Variants in LRRC9 observed in about 807,000 individuals in gnomAD.
LRRC9 encodes the protein leucine rich repeat containing 9.
Under a neutral mutation model 63.2 loss-of-function variants are expected in LRRC9, and 122 were observed. The observed-to-expected ratio is 1.93, with a 90% confidence interval of 1.67 to 2.24. LRRC9 has a LOEUF of 2.24. Among genes scored for constraint, LRRC9 ranks in the 30% most tolerant of loss-of-function variants. The probability of loss-of-function intolerance (pLI) is 0.00; values close to 1 mark genes in which losing one functional copy is unlikely to be tolerated. For missense variants in LRRC9, 1,071 were observed against 627.7 expected, an observed-to-expected ratio of 1.71 and a Z score of -7.55; for synonymous variants, 366 against 213.1, an observed-to-expected ratio of 1.72 and a Z score of -6.25.
At chr14:59,997,869 A>G (rs1888963731) in intron 18 of LRRC9, 22 bp downstream of exon 18, 13 of 645,024 alleles carry the variant, frequency 2.0e-5, no homozygotes, top group Non-Finnish European at 3.7e-5. Flanking sequence ...ACATGTTACT[A>G]AAAAGCAAAC....
Position 59,938,868 on chromosome 14 carries a change from CAT to C in LRRC9, c.726+306_726+307del, listed in dbSNP as rs1275974487. Among the ~76,000 whole-genome samples, 1 of 147,306 alleles carries C rather than the reference CAT, an allele frequency of 6.8e-6. No homozygotes were observed. Among genetic ancestry groups the C allele is most frequent in the East Asian group, 2.0e-4 (1 of 5,042 alleles). ...ATCAGTGTTAAAAATAGACTAGTGC[CAT>C]ATATATATACACACATATATACACA... On this transcript the variant is annotated intron_variant, in intron 7 of 31. Coordinates refer to ENST00000445360, the Ensembl canonical transcript of LRRC9. This position sits in a 1 kb window ranked among gnomAD's most constrained non-coding sequence, Gnocchi z 4.2.
exon 23 of LRRC9, chr14:60,008,114 T>C: frequency 1.4e-6 from 1 of 700,248 alleles, no homozygotes; most frequent in South Asian, 1.5e-5. Flanking sequence ...TTGGTCATTC[T>C]AGACATGTGT....
At chr14:59,935,725 G>A (rs909554626) in intron 6 of LRRC9, among the ~76,000 whole-genome samples, 1 of 152,196 alleles carries the variant, frequency 6.6e-6, no homozygotes, top group African/African-American at 2.4e-5. Flanking sequence ...GATATCAGAC[G>A]TGAGTAGGAG....
chr14:60,059,368 A>G (rs1183856459), intron 31 of LRRC9, among the ~76,000 whole-genome samples: 1 of 152,212 alleles, frequency 6.6e-6, no homozygotes, highest in African/African-American at 2.4e-5. Context: ...TAACCCTACA[A>G]TGACTTCTAA....
At position 59,937,292 on chromosome 14, in the gene LRRC9, A is replaced by G. The variant is rs1890218471; in HGVS notation, c.544-1098A>G. The stretch of plus-strand genomic sequence containing the variant: ...TGCATATTCTTCTTTGTTTTTTTTG[A>G]ATACTTAAAAAATGTAAATAACATT... On this transcript the variant is annotated intron_variant, in intron 6 of 31. Transcript: ENST00000445360. Among the ~76,000 whole-genome samples the G allele has an allele frequency of 2.0e-5, 3 of 151,358 alleles. No individual in the cohort carries two copies. In the South Asian group the frequency reaches 6.2e-4, roughly 31 times the overall value.
chr14:60,053,250 T>A lies in LRRC9; in HGVS notation c.4131+45T>A, dbSNP rs1241011068. 9.0e-6 allele frequency: 6 copies of A among 667,278 alleles called. No homozygotes were observed. Among genetic ancestry groups the A allele is most frequent in the Non-Finnish European group, 1.6e-5 (6 of 372,092 alleles). 41.3% of individuals were successfully genotyped at this position (667,278 alleles called of 1,614,324 possible). The stretch of plus-strand genomic sequence containing the variant: ...CAATTTTCCTTTTGAAGCACATTAA[T>A]GGTTAGTAAATGAACATTATATCTT... On this transcript the variant is annotated intron_variant, in intron 30 of 31. Transcript: ENST00000445360. The surrounding 1 kb of genome is among the most constrained non-coding windows in gnomAD (Gnocchi z 4.8).
intron 25 of LRRC9, 47 bp downstream of exon 25, chr14:60,018,526 A>C: frequency 1.6e-6 from 1 of 643,826 alleles, no homozygotes; most frequent in Admixed American, 2.3e-5. Flanking sequence ...TCCAATGCAA[A>C]TTATTCTTTG....
intron 29 of LRRC9, among the ~76,000 whole-genome samples, chr14:60,045,429 C>T (rs1893335897): frequency 6.6e-6 from 1 of 152,152 alleles, no homozygotes; most frequent in Admixed American, 6.6e-5. Flanking sequence ...CCCTCTCCGA[C>T]TCCCACCCCT....
chr14:59,937,094 G>T (rs1275631102), intron 6 of LRRC9, among the ~76,000 whole-genome samples: 3 of 150,972 alleles, frequency 2.0e-5, no homozygotes, highest in Non-Finnish European at 4.4e-5. Flanking sequence ...TTTATTTAGT[G>T]CCTGCTGTGT....
chr14:60,061,296 G>C (rs1894643015), intron 31 of LRRC9, among the ~76,000 whole-genome samples: 1 of 152,120 alleles, frequency 6.6e-6, no homozygotes, highest in Non-Finnish European at 1.5e-5. Context: ...GTTGTCTTAT[G>C]TTAAGAAATT....
At position 60,018,038 on chromosome 14, in the gene LRRC9, A is replaced by G. The variant is rs529771735; in HGVS notation, c.3318-333A>G. Among the ~76,000 whole-genome samples, 9 of 152,214 alleles carry G rather than the reference A, an allele frequency of 5.9e-5. 2 individuals are homozygous for G. The South Asian group carries it at 1.9e-3, about 32-fold the overall frequency. ...TATGATTTACAATATCAACTTCACT[A>G]TGATTTCATAAACATATATGTGAAT... On this transcript the variant is annotated intron_variant, in intron 24 of 31. Coordinates refer to ENST00000445360, the Ensembl canonical transcript of LRRC9.
intron 30 of LRRC9, among the ~76,000 whole-genome samples, chr14:60,056,535 T>C (rs924698691): frequency 3.3e-5 from 5 of 152,202 alleles, no homozygotes; most frequent in Admixed American, 2.6e-4. Flanking sequence ...TACAGTACTA[T>C]AATGTCATCT....
chr14:60,055,125 T>C (rs936221713), intron 30 of LRRC9, among the ~76,000 whole-genome samples: 1 of 152,242 alleles, frequency 6.6e-6, no homozygotes, highest in Non-Finnish European at 1.5e-5. Flanking sequence ...AAAGGGCTTC[T>C]ATTATAGGTC....
At position 59,938,752 on chromosome 14, in the gene LRRC9, G is replaced by T. The variant is rs927612677; in HGVS notation, c.726+180G>T. 6.6e-6 allele frequency among the ~76,000 whole-genome samples: 1 copy of T among 150,902 alleles called. No individual in the cohort carries two copies. The highest frequency in any genetic ancestry group is 2.4e-5 in the African/African-American group (1 of 41,112). ...TATATAAATAATAATATTAATACTA[G>T]AATCTTAATTTTGATGACAGTACTG... On this transcript the variant is annotated intron_variant, in intron 7 of 31. Coordinates refer to ENST00000445360, the Ensembl canonical transcript of LRRC9. The surrounding 1 kb of genome is among the most constrained non-coding windows in gnomAD (Gnocchi z 4.2).
chr14:59,927,036 A>G lies in LRRC9; in HGVS notation c.-33-875A>G, dbSNP rs1050438881. ...CTCTCCCATCCAGCTTTACATTTGTATTCTGGCCACAAAGGCTTTCACCTG... is the reference window on the plus strand; with the variant it reads ...CTCTCCCATCCAGCTTTACATTTGTGTTCTGGCCACAAAGGCTTTCACCTG... On this transcript the variant is annotated intron_variant, in intron 1 of 31. Transcript: ENST00000445360. The surrounding 1 kb of genome is among the most constrained non-coding windows in gnomAD (Gnocchi z 4.4). Among the ~76,000 whole-genome samples, 1 of 152,060 alleles carries G rather than the reference A, an allele frequency of 6.6e-6. No homozygotes were observed. Among genetic ancestry groups the G allele is most frequent in the Non-Finnish European group, 1.5e-5 (1 of 67,964 alleles).
chr14:60,037,439 CT>C (rs1892539344), intron 29 of LRRC9, among the ~76,000 whole-genome samples: 1 of 152,176 alleles, frequency 6.6e-6, no homozygotes, highest in Non-Finnish European at 1.5e-5. Context: ...TGTTTCCTGA[CT>C]TTTTAATGAT....
intron 8 of LRRC9, among the ~76,000 whole-genome samples, chr14:59,957,095 C>T (rs926987709): frequency 2.6e-5 from 4 of 151,866 alleles, no homozygotes; most frequent in East Asian, 1.9e-4. Flanking sequence ...GAGAATCTCA[C>T]GATGTGTCTT....
At chr14:60,028,945 T>G (rs1054573588) in intron 28 of LRRC9, among the ~76,000 whole-genome samples, 1 of 152,106 alleles carries the variant, frequency 6.6e-6, no homozygotes, top group African/African-American at 2.4e-5. Context: ...GGGGGAGATT[T>G]TTTTAAAGCC....
At chr14:60,011,331 CA>C (rs1214905231) in intron 23 of LRRC9, among the ~76,000 whole-genome samples, 12 of 152,174 alleles carry the variant, frequency 7.9e-5, no homozygotes, top group African/African-American at 2.9e-4. Context: ...AACCCACCCC[CA>C]TGATTCACTT....
Sources: allele counts gnomAD v4.1 joint callset (sites outside exome capture counted in the v4.1 genomes callset), GRCh38; gene constraint gnomAD v4.1.1; non-coding constraint Gnocchi (gnomAD v3.1); transcripts MANE v1.5; gene names NCBI Gene and HGNC (gene_info 2026-07-23, HGNC 2026-07-21).